PTPRS: variants seen among roughly 807,000 people sequenced by gnomAD.
The protein encoded by PTPRS is protein tyrosine phosphatase receptor type S, also known as receptor-type tyrosine-protein phosphatase S.
Under a neutral mutation model 215.3 loss-of-function variants are expected in PTPRS, and 63 were observed. The observed-to-expected ratio is 0.29, with a 90% CI of 0.24 to 0.36. The LOEUF (loss-of-function observed/expected upper bound fraction) is 0.36. PTPRS is among the 10% of genes least tolerant of loss of function. The pLI is 1.00. For synonymous variants in PTPRS, 1,404 were observed against 1,191.4 expected (o/e 1.18, Z -3.68); for missense variants, 2,258 against 2,825.8 (o/e 0.80, Z 4.56).
At position 5,274,379 on chromosome 19, in the gene PTPRS, T is replaced by C. The variant is rs762862076; in HGVS notation, c.92-35A>G. On this transcript the variant is annotated intron_variant, in intron 2 of 37. Transcript: ENST00000262963. ...CAGTGGAAAGAAGGGGGGGCGCTGA[T>C]GGGTCCAGGCATCTGGCTAGGATAC... is the stretch of plus-strand genomic sequence containing the variant. 3.1e-6 allele frequency: 5 copies of C among 1,598,944 alleles called. No homozygotes were observed. In the Admixed American group the frequency reaches 8.4e-5, roughly 27 times the overall value.
intron 6 of PTPRS, among the ~76,000 whole-genome samples, 197 bp downstream of exon 6, chr19:5,262,767 C>T (rs960539755): frequency 2.6e-5 from 4 of 152,220 alleles, no homozygotes; most frequent in Admixed American, 6.5e-5. Context: ...TCTTTCTCTG[C>T]CGCACACTAG....
chr19:5,223,632 G>A (rs960335075), intron 17 of PTPRS, among the ~76,000 whole-genome samples: 8 of 148,444 alleles, frequency 5.4e-5, no homozygotes, highest in African/African-American at 1.3e-4. Context: ...GCCCCATCTC[G>A]GCTCACTACA....
chr19:5,217,940 C>T (rs2145237024), intron 25 of PTPRS, among the ~76,000 whole-genome samples: 1 of 152,214 alleles, frequency 6.6e-6, no homozygotes, highest in African/African-American at 2.4e-5. Flanking sequence ...TGAACCCTGG[C>T]AGCCATGGTG....
chr19:5,255,289 C>T (rs1033976664), intron 9 of PTPRS, among the ~76,000 whole-genome samples: 16 of 152,212 alleles, frequency 1.1e-4, no homozygotes, highest in African/African-American at 3.9e-4. Flanking sequence ...GTGCCACCTC[C>T]CTTGTGCCCT....
chr19:5,260,224 T>A (rs1250483169), intron 7 of PTPRS, among the ~76,000 whole-genome samples: 3 of 150,696 alleles, frequency 2.0e-5, no homozygotes, highest in Non-Finnish European at 4.4e-5. Context: ...TCACCCAGGC[T>A]GGAGTGCAGT....
intron 1 of PTPRS, among the ~76,000 whole-genome samples, chr19:5,332,025 C>T (rs1028725633): frequency 4.6e-5 from 7 of 152,034 alleles, no homozygotes; most frequent in African/African-American, 1.4e-4. Flanking sequence ...TCAGAAGTCA[C>T]GCAACTTTTA....
At chr19:5,221,287 G>A in intron 19 of PTPRS, 34 bp from the exon 20 acceptor site, 2 of 1,592,214 alleles carry the variant, frequency 1.3e-6, no homozygotes, top group East Asian at 2.2e-5. Flanking sequence ...AGGGCCTGGT[G>A]GGCTCATGCC....
intron 17 of PTPRS, among the ~76,000 whole-genome samples, chr19:5,223,935 T>C (rs1421948458): frequency 2.6e-5 from 4 of 151,766 alleles, no homozygotes; most frequent in Non-Finnish European, 4.4e-5. Context: ...TCCCAGCACT[T>C]TGGGAGGCTG....
In PTPRS at chr19:5,222,739, G is replaced by A; in HGVS notation, c.3053C>T (p.Pro1018Leu). The A allele has an allele frequency of 6.3e-7, 1 of 1,597,954 alleles. No individual in the cohort carries two copies. The highest frequency in any genetic ancestry group is 8.5e-7 in the Non-Finnish European group (1 of 1,178,082). Reference protein sequence around the residue: ...LQVRAHTRRGPGPFSPPVRYR... With the variant: ...LQVRAHTRRGLGPFSPPVRYR... ...GCGGACGGGGGGGCTGAAGGGGCCAGGGCCCCGGCGCGTGTGGGCTCGCAC... is the reference window on the plus strand; with the variant it reads ...GCGGACGGGGGGGCTGAAGGGGCCAAGGCCCCGGCGCGTGTGGGCTCGCAC... The change falls in exon 18 of 38, where the codon CCT becomes CTT. Residue 1018 changes from proline to leucine, a missense_variant. Physicochemically the swap from Pro to Leu is moderately conservative, Grantham distance 98. Coordinates refer to ENST00000262963, the MANE Select transcript of PTPRS (RefSeq NM_002850.4).
Position 5,212,428 on chromosome 19 carries a change from C to A in PTPRS, c.4678G>T (p.Val1560Leu). The A allele has an allele frequency of 6.2e-7, 1 of 1,600,968 alleles. No homozygotes were observed. The highest frequency in any genetic ancestry group is 8.5e-7 in the Non-Finnish European group (1 of 1,173,764). Residue 1560 changes from valine to leucine, a missense_variant, in exon 31 of 38, where the codon GTG (valine) becomes TTG (leucine). Physicochemically the swap from Val to Leu is conservative, Grantham distance 32. Coordinates refer to ENST00000262963, the MANE Select transcript of PTPRS (RefSeq NM_002850.4). The part of the protein sequence containing the change: ...FQFTAWPDHG[V>L]PEYPTPFLAF... Reference sequence around the variant, plus strand: ...AGGAAGGGCGTTGGGTATTCGGGCACGCCATGGTCCGGCCACGCCGTAAAC... The same window carrying A: ...AGGAAGGGCGTTGGGTATTCGGGCAAGCCATGGTCCGGCCACGCCGTAAAC...
chr19:5,334,478 CG>C (rs1182027781), intron 1 of PTPRS, among the ~76,000 whole-genome samples: 1 of 152,304 alleles, frequency 6.6e-6, no homozygotes, highest in East Asian at 1.9e-4. Flanking sequence ...ATGAGGAAGA[CG>C]GAAGCACAGA....
intron 1 of PTPRS, among the ~76,000 whole-genome samples, chr19:5,327,272 C>A (rs927564712): frequency 6.6e-6 from 1 of 152,238 alleles, no homozygotes; most frequent in African/African-American, 2.4e-5. Flanking sequence ...CCAGAGGGCA[C>A]TGATCATCAA....
At chr19:5,241,141 G>A (rs1035541614) in intron 11 of PTPRS, among the ~76,000 whole-genome samples, 20 of 150,298 alleles carry the variant, frequency 1.3e-4, no homozygotes, top group South Asian at 4.3e-4. Flanking sequence ...CTCCTGCCTC[G>A]GCCTCCCAAA....
At chr19:5,236,937 T>C (rs1409275996) in intron 13 of PTPRS, among the ~76,000 whole-genome samples, 1 of 148,822 alleles carries the variant, frequency 6.7e-6, no homozygotes, top group Non-Finnish European at 1.5e-5. Flanking sequence ...ACCGAAACCA[T>C]AATAAAATAA....
In PTPRS at chr19:5,298,615, C is replaced by A. The variant is rs538202069; in HGVS notation, c.-94-12381G>T. ...ACCCGGGGCATGGGCGGGTGCCAAC[C>A]AGCCAGGAGCCCGCCTCACCCATGT... is the stretch of plus-strand genomic sequence containing the variant. On this transcript the variant is annotated intron_variant, in intron 1 of 37. Transcript: ENST00000262963. 9.8e-5 allele frequency among the ~76,000 whole-genome samples: 15 copies of A among 152,326 alleles called. No homozygotes were observed. The East Asian group carries it at 2.5e-3, about 26-fold the overall frequency.
rs2042853667 is a variant in PTPRS, at chr19:5,229,707, A to AG, written c.2156-24dup. 5 of 1,106,748 alleles carry AG rather than the reference A, an allele frequency of 4.5e-6. No homozygotes were observed. The Admixed American group carries it at 2.2e-4, about 49-fold the overall frequency. The allele number at this position is 1,106,748 out of a possible 1,614,324, so 68.6% of individuals were successfully genotyped here. On this transcript the variant is annotated intron_variant, in intron 14 of 37. Coordinates refer to ENST00000262963, the MANE Select transcript of PTPRS (RefSeq NM_002850.4). ...GCACTGGCGGGCGGGAGGGGAGGGG[A>AG]GGGGCGGGCGGAGCCGTTACCAGGG... is the stretch of plus-strand genomic sequence containing the variant.
chr19:5,300,767 C>CAAAAAAAAAAAAA (rs59799136), intron 1 of PTPRS, among the ~76,000 whole-genome samples: 3 of 97,746 alleles, frequency 3.1e-5, no homozygotes, highest in Admixed American at 1.1e-4. Flanking sequence ...GACTCCGTCT[C>CAAAAAAAAAAAAA]AAAAAAAAAA....
chr19:5,273,912 T>A (rs1196440142), intron 3 of PTPRS, among the ~76,000 whole-genome samples: 3 of 151,976 alleles, frequency 2.0e-5, no homozygotes, highest in Non-Finnish European at 4.4e-5. Context: ...ATCATGGGCG[T>A]GTATTGAGAG....
chr19:5,301,681 C>T (rs983123096), intron 1 of PTPRS, among the ~76,000 whole-genome samples: 3 of 151,994 alleles, frequency 2.0e-5, no homozygotes, highest in East Asian at 3.9e-4. Context: ...CTCCTTCAAG[C>T]GCATCCTCCC....
Sources: allele counts gnomAD v4.1 joint callset (sites outside exome capture counted in the v4.1 genomes callset), GRCh38; gene constraint gnomAD v4.1.1; transcripts MANE v1.5; gene names NCBI Gene and HGNC (gene_info 2026-07-23, HGNC 2026-07-21).